The following TTC33 variants were observed in gnomAD, a reference collection of about 807,000 sequenced individuals.
TTC33 encodes tetratricopeptide repeat domain 33, also known as tetratricopeptide repeat protein 33.
In TTC33, 24 loss-of-function variants were observed where a neutral mutation model predicts 29.4. That is an observed-to-expected ratio of 0.82 (90% CI 0.59 to 1.15). TTC33 has a LOEUF of 1.15. Ranked by LOEUF, TTC33 falls within the 50% of genes most tolerant of loss-of-function variation. The pLI is 0.00. For missense variants in TTC33, 286 were observed against 310.4 expected, an observed-to-expected ratio of 0.92 and a Z score of 0.59; for synonymous variants, 107 against 100.3, an observed-to-expected ratio of 1.07 and a Z score of -0.40.
In TTC33 at chr5:40,716,213, C is replaced by CTG. The variant is rs757617608; in HGVS notation, c.720_721insCA (p.Glu241GlnfsTer4). 5 of 1,614,164 alleles carry CTG rather than the reference C, an allele frequency of 3.1e-6. No individual in the cohort carries two copies. The highest frequency in any genetic ancestry group is 4.2e-6 in the Non-Finnish European group (5 of 1,180,022). On this transcript the variant is annotated frameshift_variant, in exon 5 of 5. Coordinates refer to ENST00000337702, the MANE Select transcript of TTC33 (RefSeq NM_012382.3). LOFTEE classifies it high-confidence loss of function. ...CCATCCTCCTTTTCAGTTACAGTCT[C>CTG]TATGGCCCCAGAAGCAGACACAATA...
chr5:40,715,818 T>C lies in TTC33; in HGVS notation c.*327A>G, dbSNP rs1340875917. On this transcript the variant is annotated 3_prime_UTR_variant, in exon 5 of 5. Coordinates refer to ENST00000337702, the MANE Select transcript of TTC33 (RefSeq NM_012382.3). ...AAGTTGAGACAGCATTTCAGTAACATTGATCAAATTATTCACTATTCAAGA... is the reference window on the plus strand; with the variant it reads ...AAGTTGAGACAGCATTTCAGTAACACTGATCAAATTATTCACTATTCAAGA... 1 of 203,344 alleles carries C rather than the reference T, an allele frequency of 4.9e-6. No individual in the cohort carries two copies. The highest frequency in any genetic ancestry group is 2.3e-5 in the African/African-American group (1 of 43,408). 12.6% of individuals were successfully genotyped at this position (203,344 alleles called of 1,614,324 possible).
rs1370094585 is a variant in TTC33, at chr5:40,712,916, G to T, written c.*3229C>A. On this transcript the variant is annotated 3_prime_UTR_variant, in exon 5 of 5. Transcript: ENST00000337702. ...TTAGGGCCACACTTCTTCTTCCGAA[G>T]TAACCATATTTAATTGCAAGTGACT... 6.6e-6 allele frequency among the ~76,000 whole-genome samples: 1 copy of T among 152,138 alleles called. No homozygotes were observed. The highest frequency in any genetic ancestry group is 2.4e-5 in the African/African-American group (1 of 41,430).
Position 40,716,065 on chromosome 5 carries a change from T to G in TTC33, c.*80A>C, listed in dbSNP as rs1426390530. ...TTACAACCAGGCGTTCTCCTATCTA[T>G]CTCCAGAGTAAATGTCTCTATGTCA... On this transcript the variant is annotated 3_prime_UTR_variant, in exon 5 of 5. Coordinates refer to ENST00000337702, the MANE Select transcript of TTC33 (RefSeq NM_012382.3). 2 of 1,192,492 alleles carry G rather than the reference T, an allele frequency of 1.7e-6. No homozygotes were observed. The highest frequency in any genetic ancestry group is 2.3e-6 in the Non-Finnish European group (2 of 862,252). 73.9% of individuals were successfully genotyped at this position (1,192,492 alleles called of 1,614,324 possible).
At chr5:40,726,160 TAC>T (rs10558244) in intron 4 of TTC33, among the ~76,000 whole-genome samples, 98,597 of 147,986 alleles carry the variant, frequency 0.67, 32,960 homozygotes, top group East Asian at 0.79. Flanking sequence ...TATATATATA[TAC>T]ACACACACAC....
chr5:40,739,092 T>C (rs1000240468), intron 2 of TTC33, among the ~76,000 whole-genome samples: 3 of 152,212 alleles, frequency 2.0e-5, no homozygotes, highest in African/African-American at 7.2e-5. Flanking sequence ...GTATCATATA[T>C]TATTTTCATT....
chr5:40,729,828 A>G (rs1742381388), intron 3 of TTC33, among the ~76,000 whole-genome samples: 1 of 152,250 alleles, frequency 6.6e-6, no homozygotes, highest in Non-Finnish European at 1.5e-5. Context: ...CCTCTCAAGT[A>G]GCTGGGACTA....
chr5:40,744,317 G>A (rs1243462488), intron 2 of TTC33, among the ~76,000 whole-genome samples: 1 of 152,082 alleles, frequency 6.6e-6, no homozygotes, highest in Non-Finnish European at 1.5e-5. Flanking sequence ...CCCAATTTGA[G>A]ATGCTAGTAT....
chr5:40,728,610 C>A, intron 3 of TTC33, 134 bp from the exon 4 acceptor site: 1 of 745,524 alleles, frequency 1.3e-6, no homozygotes, highest in Non-Finnish European at 2.0e-6. Context: ...TTACCCCTTA[C>A]TCTGCCATTC....
In TTC33 at chr5:40,715,152, G is replaced by C. The variant is rs956454359; in HGVS notation, c.*993C>G. Reference sequence around the variant, plus strand: ...TAACAGCCCTACTTTTTTATTTTTAGAAAGATATAATTAGCTATTTAAAAT... The same window carrying C: ...TAACAGCCCTACTTTTTTATTTTTACAAAGATATAATTAGCTATTTAAAAT... On this transcript the variant is annotated 3_prime_UTR_variant, in exon 5 of 5. Coordinates refer to ENST00000337702, the MANE Select transcript of TTC33 (RefSeq NM_012382.3). 3 of 151,734 alleles carry C rather than the reference G, an allele frequency of 2.0e-5. No individual in the cohort carries two copies. Among genetic ancestry groups the C allele is most frequent in the Non-Finnish European group, 4.4e-5 (3 of 67,898 alleles). The allele number at this position is 151,734 out of a possible 1,614,324, so 9.4% of individuals were successfully genotyped here. A position where few individuals can be genotyped will look rare whatever the true frequency, so the allele number is the denominator to read the frequency against.
At chr5:40,754,515 G>A (rs1742950902) in intron 1 of TTC33, among the ~76,000 whole-genome samples, 1 of 152,120 alleles carries the variant, frequency 6.6e-6, no homozygotes, top group Admixed American at 6.5e-5. Context: ...AGTCACTGTG[G>A]AGATAAGGAA....
At chr5:40,732,886 G>C (rs540878760) in intron 2 of TTC33, among the ~76,000 whole-genome samples, 57 of 152,212 alleles carry the variant, frequency 3.7e-4, no homozygotes, top group Non-Finnish European at 7.1e-4. Context: ...GGGATTATAG[G>C]CATGAGCCAC....
At chr5:40,723,823 C>T (rs1742214927) in intron 4 of TTC33, among the ~76,000 whole-genome samples, 1 of 152,134 alleles carries the variant, frequency 6.6e-6, no homozygotes, top group African/African-American at 2.4e-5. Context: ...CGAGATCACA[C>T]CACTGCACTC....
intron 4 of TTC33, among the ~76,000 whole-genome samples, chr5:40,727,907 C>A (rs531904704): frequency 2.8e-4 from 43 of 152,136 alleles, no homozygotes; most frequent in African/African-American, 9.9e-4. Context: ...TGGATTAATA[C>A]CTTTAAGAAG....
intron 2 of TTC33, among the ~76,000 whole-genome samples, chr5:40,744,187 T>C (rs1287014893): frequency 1.3e-5 from 2 of 152,228 alleles, no homozygotes; most frequent in Non-Finnish European, 2.9e-5. Context: ...TAGTCAATCT[T>C]ACAGAGTTCT....
At chr5:40,722,762 C>T (rs1384448894) in intron 4 of TTC33, among the ~76,000 whole-genome samples, 1 of 151,192 alleles carries the variant, frequency 6.6e-6, no homozygotes, top group Non-Finnish European at 1.5e-5. Context: ...CCAGACGCCC[C>T]GTCCCGGAGG....
intron 2 of TTC33, among the ~76,000 whole-genome samples, chr5:40,742,620 AAAC>A (rs1440362772): frequency 6.6e-6 from 1 of 152,180 alleles, no homozygotes; most frequent in Non-Finnish European, 1.5e-5. Flanking sequence ...TCTGTACACA[AAAC>A]AACAGGGGAA....
At chr5:40,749,797 T>TA in intron 1 of TTC33, among the ~76,000 whole-genome samples, 1 of 152,326 alleles carries the variant, frequency 6.6e-6, no homozygotes, top group South Asian at 2.1e-4. Context: ...TCTTTAAAAA[T>TA]GTACATGCCT....
At position 40,752,113 on chromosome 5, in the gene TTC33, T is replaced by C. The variant is rs1579695255; in HGVS notation, c.-2+3711A>G. Among the ~76,000 whole-genome samples the C allele has an allele frequency of 2.0e-5, 3 of 152,246 alleles. No homozygotes were observed. In the East Asian group the frequency reaches 5.8e-4, roughly 29 times the overall value. On this transcript the variant is annotated intron_variant, in intron 1 of 4. Transcript: ENST00000337702. ...TTCTTAAACCTCACAAACGAACCTC[T>C]AGCAGTTTCAAACTTTACTTTGGCA...
intron 4 of TTC33, among the ~76,000 whole-genome samples, chr5:40,721,049 C>CAT (rs1742120116): frequency 4.6e-5 from 7 of 152,170 alleles, no homozygotes; most frequent in Admixed American, 4.6e-4. Context: ...GCTTGGCATA[C>CAT]AGTGAGCGAA....
Sources: gnomAD v4.1 joint callset for allele counts (sites outside exome capture counted in the v4.1 genomes callset) on GRCh38, gnomAD v4.1.1 for gene constraint, MANE v1.5 for transcripts, NCBI Gene and HGNC (gene_info 2026-07-23, HGNC 2026-07-21) for gene names.